Variants in ADCY2 observed in about 807,000 individuals in gnomAD.
The protein encoded by ADCY2 is adenylate cyclase type 2.
A neutral mutation model predicts 125.2 loss-of-function variants in ADCY2; 31 were observed. The observed-to-expected ratio is 0.25, with a 90% CI of 0.19 to 0.33. The LOEUF (loss-of-function observed/expected upper bound fraction) is 0.33. ADCY2 is among the 10% of genes least tolerant of loss of function. The probability of loss-of-function intolerance (pLI) is 1.00; values close to 1 mark genes in which losing one functional copy is unlikely to be tolerated. For missense variants in ADCY2, 904 were observed against 1,418.2 expected (o/e 0.64, Z 5.82); for synonymous variants, 512 against 548.4 (o/e 0.93, Z 0.93).
At chr5:7,502,191 C>T (rs1320967377) in intron 2 of ADCY2, among the ~76,000 whole-genome samples, 1 of 152,148 alleles carries the variant, frequency 6.6e-6, no homozygotes, top group Non-Finnish European at 1.5e-5. Context: ...TGATGAAAAC[C>T]ACACACACCA....
At chr5:7,705,622 G>A (rs1741243282) in intron 7 of ADCY2, among the ~76,000 whole-genome samples, 1 of 152,104 alleles carries the variant, frequency 6.6e-6, no homozygotes, top group South Asian at 2.1e-4. Flanking sequence ...GAGGGGTGGG[G>A]GTGGGTCTCC....
At chr5:7,617,487 G>A (rs181570496) in intron 3 of ADCY2, among the ~76,000 whole-genome samples, 39 of 152,240 alleles carry the variant, frequency 2.6e-4, no homozygotes, top group African/African-American at 9.1e-4. Flanking sequence ...AGTAGTAGTA[G>A]TAGTAGTCAT....
At chr5:7,457,848 C>G (rs1196846401) in intron 2 of ADCY2, among the ~76,000 whole-genome samples, 1 of 152,182 alleles carries the variant, frequency 6.6e-6, no homozygotes, top group Non-Finnish European at 1.5e-5. Context: ...ACCACGTCGT[C>G]CTGTTATCAG....
At chr5:7,660,285 A>AAGGAAGGAAGGC (rs2126692182) in intron 4 of ADCY2, among the ~76,000 whole-genome samples, 1 of 151,050 alleles carries the variant, frequency 6.6e-6, no homozygotes, top group African/African-American at 2.4e-5. Flanking sequence ...GGAAGGAAGG[A>AAGGAAGGAAGGC]AGGAAGGAAG....
intron 3 of ADCY2, among the ~76,000 whole-genome samples, chr5:7,538,846 T>C (rs895019356): frequency 2.2e-5 from 3 of 136,932 alleles, no homozygotes; most frequent in African/African-American, 7.7e-5. Context: ...TTTTTTCTTT[T>C]TTTCTTTTCT....
intron 14 of ADCY2, among the ~76,000 whole-genome samples, chr5:7,741,525 T>C (rs1342070318): frequency 3.4e-5 from 3 of 89,432 alleles, no homozygotes; most frequent in Non-Finnish European, 7.3e-5. Context: ...ACCACACCAC[T>C]ACCATCACCA....
chr5:7,505,527 C>T (rs1579513706), intron 2 of ADCY2, among the ~76,000 whole-genome samples: 1 of 152,194 alleles, frequency 6.6e-6, no homozygotes, highest in African/African-American at 2.4e-5. Context: ...TGGGTTGGAG[C>T]CGAGGACTGT....
intron 4 of ADCY2, among the ~76,000 whole-genome samples, chr5:7,629,046 A>G (rs908423737): frequency 5.3e-5 from 8 of 152,168 alleles, no homozygotes; most frequent in African/African-American, 1.9e-4. Context: ...TCACTGTGGC[A>G]AACAGTAATG....
At chr5:7,416,105 G>A (rs990193014) in intron 2 of ADCY2, among the ~76,000 whole-genome samples, 2 of 152,182 alleles carry the variant, frequency 1.3e-5, no homozygotes, top group African/African-American at 4.8e-5. Flanking sequence ...CATGTCAAGG[G>A]ACAGAATACT....
chr5:7,672,595 G>T (rs1454674174), intron 4 of ADCY2, among the ~76,000 whole-genome samples: 3 of 152,120 alleles, frequency 2.0e-5, no homozygotes, highest in Admixed American at 6.6e-5. Flanking sequence ...GACCTCCTGG[G>T]CTTAAAGGAT....
In ADCY2 at chr5:7,826,727, G is replaced by A; in HGVS notation, c.3132G>A (p.Glu1044=). Residue 1044 remains glutamate, a synonymous_variant, in exon 25 of 25, where the codon GAG becomes GAA. Transcript: ENST00000338316. Reference sequence around the variant, plus strand: ...GTTCCTGTGCCTTCTAGGTTACCGAGGAGACGAGCCTCGTCCTGCAGACCC... The same window carrying A: ...GTTCCTGTGCCTTCTAGGTTACCGAAGAGACGAGCCTCGTCCTGCAGACCC... ...TGVLDKIQVT[E]ETSLVLQTLG... The A allele has an allele frequency of 3.7e-6, 6 of 1,613,860 alleles. No individual in the cohort carries two copies. Among genetic ancestry groups the A allele is most frequent in the Non-Finnish European group, 5.1e-6 (6 of 1,179,986 alleles).
intron 17 of ADCY2, among the ~76,000 whole-genome samples, chr5:7,771,498 C>A (rs983369518): frequency 2.6e-5 from 4 of 152,156 alleles, no homozygotes; most frequent in South Asian, 2.1e-4. Flanking sequence ...TAATCCAGTG[C>A]GAGGTGTTGG....
chr5:7,749,341 A>G (rs1016902822), intron 15 of ADCY2, among the ~76,000 whole-genome samples: 10 of 152,244 alleles, frequency 6.6e-5, no homozygotes, highest in Non-Finnish European at 8.8e-5. Flanking sequence ...ACTCAGTATT[A>G]TAATAATACT....
At chr5:7,600,452 A>G (rs1737159656) in intron 3 of ADCY2, among the ~76,000 whole-genome samples, 1 of 152,224 alleles carries the variant, frequency 6.6e-6, no homozygotes, top group Admixed American at 6.5e-5. Context: ...TTCTAGAAGT[A>G]GAAAGCACAA....
chr5:7,722,184 A>G (rs910212651), intron 12 of ADCY2, among the ~76,000 whole-genome samples: 8 of 152,138 alleles, frequency 5.3e-5, no homozygotes, highest in African/African-American at 1.9e-4. Context: ...GCTGGGGTTC[A>G]CGAAGCACCA....
chr5:7,739,691 GA>G (rs149554240), intron 14 of ADCY2, among the ~76,000 whole-genome samples: 8,012 of 151,508 alleles, frequency 0.053, 561 homozygotes, highest in African/African-American at 0.16. Context: ...AAAACAGGGA[GA>G]AAAATCACAA....
intron 18 of ADCY2, among the ~76,000 whole-genome samples, chr5:7,776,470 T>A (rs531086221): frequency 2.6e-5 from 4 of 152,348 alleles, no homozygotes; most frequent in Non-Finnish European, 5.9e-5. Context: ...CTTGCTTGGC[T>A]GTGGCAGGTC....
intron 3 of ADCY2, among the ~76,000 whole-genome samples, chr5:7,575,536 T>C (rs1736219800): frequency 6.6e-6 from 1 of 152,166 alleles, no homozygotes; most frequent in Admixed American, 6.5e-5. Flanking sequence ...TTTTTGTTCT[T>C]GTTTTGTTGA....
At chr5:7,666,024 G>C (rs1291233721) in intron 4 of ADCY2, among the ~76,000 whole-genome samples, 1 of 150,330 alleles carries the variant, frequency 6.7e-6, no homozygotes, top group African/African-American at 2.4e-5. Flanking sequence ...ATTTTTAGTA[G>C]AGACAGGGTT....
Sources: gnomAD v4.1 joint callset for allele counts (sites outside exome capture counted in the v4.1 genomes callset) on GRCh38, gnomAD v4.1.1 for gene constraint, MANE v1.5 for transcripts, NCBI Gene and HGNC (gene_info 2026-07-23, HGNC 2026-07-21) for gene names.